TACR1: variants seen among roughly 807,000 people sequenced by gnomAD.
TACR1 encodes tachykinin receptor 1.
In TACR1, 25 loss-of-function variants were observed where a neutral mutation model predicts 35.8. That is an observed-to-expected ratio of 0.70 (90% CI 0.51 to 0.98). The LOEUF (loss-of-function observed/expected upper bound fraction) is 0.98, where lower values mean the gene tolerates loss of function less well. Ranked by LOEUF, TACR1 falls within the 50% of genes least tolerant of loss-of-function variation. The pLI is 0.00. For synonymous variants in TACR1, 195 were observed against 206.7 expected (o/e 0.94, Z 0.48); for missense variants, 478 against 522.9 (o/e 0.91, Z 0.84).
chr2:75,164,278 G>C (rs940831795), intron 1 of TACR1, among the ~76,000 whole-genome samples: 1 of 148,752 alleles, frequency 6.7e-6, no homozygotes, highest in Non-Finnish European at 1.5e-5. Context: ...AGTGAGCTGA[G>C]ATCATGCCAC....
chr2:75,198,793 C>G lies in TACR1; in HGVS notation c.142G>C (p.Val48Leu). The G allele has an allele frequency of 6.2e-7, 1 of 1,614,172 alleles. No individual in the cohort carries two copies. Among genetic ancestry groups the G allele is most frequent in the Admixed American group, 1.7e-5 (1 of 60,022 alleles). ...AYTVIVVTSV[V>L]GNVVVMWIIL... is the part of the protein sequence containing the mutation. ...ATCCACATCACTACCACGTTGCCCA[C>G]CACAGAGGTCACCACAATGACCGTG... The change falls in exon 1 of 5, where the codon GTG (valine) becomes CTG (leucine). Residue 48 changes from valine to leucine, a missense_variant. By Grantham distance (32) the Val-to-Leu change is conservative. Transcript: ENST00000305249.
At chr2:75,055,171 T>G (rs774508306) in intron 2 of TACR1, among the ~76,000 whole-genome samples, 7 of 152,248 alleles carry the variant, frequency 4.6e-5, no homozygotes, top group Admixed American at 1.3e-4. Flanking sequence ...GAAAACCCAC[T>G]TATTCACTCA....
intron 2 of TACR1, among the ~76,000 whole-genome samples, chr2:75,078,293 T>C (rs1673017211): frequency 6.6e-6 from 1 of 152,010 alleles, no homozygotes; most frequent in Non-Finnish European, 1.5e-5. Flanking sequence ...GTTTTTTTTT[T>C]TTAAGTTGCA....
chr2:75,143,537 A>G (rs1476340282), intron 1 of TACR1, among the ~76,000 whole-genome samples: 1 of 152,192 alleles, frequency 6.6e-6, no homozygotes, highest in Non-Finnish European at 1.5e-5. Flanking sequence ...TTCAGCATCT[A>G]TTAGCTAATT....
intron 2 of TACR1, among the ~76,000 whole-genome samples, chr2:75,107,306 A>G (rs542608588): frequency 1.3e-5 from 2 of 152,170 alleles, no homozygotes; most frequent in South Asian, 2.1e-4. Flanking sequence ...CTCTCACTCT[A>G]TGATTGGATA....
chr2:75,106,716 A>G (rs1268462195), intron 2 of TACR1, among the ~76,000 whole-genome samples: 2 of 151,972 alleles, frequency 1.3e-5, no homozygotes, highest in Non-Finnish European at 2.9e-5. Flanking sequence ...GTTAATAGCT[A>G]TGGAAGTAGG....
At chr2:75,178,942 G>C (rs946574362) in intron 1 of TACR1, among the ~76,000 whole-genome samples, 13 of 152,048 alleles carry the variant, frequency 8.5e-5, no homozygotes, top group Admixed American at 2.6e-4. Context: ...TCTTTCTCCT[G>C]GGTGATTGTA....
At chr2:75,193,189 A>G (rs1675891823) in intron 1 of TACR1, among the ~76,000 whole-genome samples, 1 of 151,980 alleles carries the variant, frequency 6.6e-6, no homozygotes, top group Non-Finnish European at 1.5e-5. Context: ...TCTGCATGGC[A>G]TTGATTGCAT....
intron 2 of TACR1, among the ~76,000 whole-genome samples, chr2:75,083,164 A>G (rs1673124409): frequency 6.6e-6 from 1 of 152,210 alleles, no homozygotes; most frequent in Non-Finnish European, 1.5e-5. Flanking sequence ...TTTTCCCAGC[A>G]CCATTTGTTA....
chr2:75,183,972 A>G (rs567005436), intron 1 of TACR1, among the ~76,000 whole-genome samples: 2 of 152,240 alleles, frequency 1.3e-5, no homozygotes, highest in Non-Finnish European at 2.9e-5. Flanking sequence ...CGCTTATTTC[A>G]GCCAACAGAA....
At chr2:75,100,876 C>T (rs765354379) in intron 2 of TACR1, among the ~76,000 whole-genome samples, 9 of 152,126 alleles carry the variant, frequency 5.9e-5, no homozygotes, top group Non-Finnish European at 1.2e-4. Flanking sequence ...TTTTTGGTAA[C>T]ATAAATGTGT....
intron 1 of TACR1, among the ~76,000 whole-genome samples, chr2:75,174,750 A>G (rs1479261176): frequency 1.3e-5 from 2 of 152,164 alleles, no homozygotes; most frequent in Non-Finnish European, 2.9e-5. Context: ...AATCACTTCT[A>G]TTTCCATTTC....
chr2:75,121,677 AC>A (rs775597478), intron 1 of TACR1, among the ~76,000 whole-genome samples: 4 of 152,260 alleles, frequency 2.6e-5, no homozygotes, highest in Non-Finnish European at 4.4e-5. Flanking sequence ...ATTTTAAAAG[AC>A]ATCTCTCTCT....
At chr2:75,070,643 T>A (rs1368050142) in intron 2 of TACR1, among the ~76,000 whole-genome samples, 1 of 152,248 alleles carries the variant, frequency 6.6e-6, no homozygotes, top group Non-Finnish European at 1.5e-5. Context: ...CCTGTGTGTC[T>A]CTGGGTAAAT....
At position 75,110,117 on chromosome 2, in the gene TACR1, T is replaced by C. The variant is rs558248824; in HGVS notation, c.584+10457A>G. Among the ~76,000 whole-genome samples, 4 of 152,186 alleles carry C rather than the reference T, an allele frequency of 2.6e-5. No individual in the cohort carries two copies. In the East Asian group the frequency reaches 5.8e-4, roughly 22 times the overall value. On this transcript the variant is annotated intron_variant, in intron 2 of 4. Coordinates refer to ENST00000305249, the MANE Select transcript of TACR1 (RefSeq NM_001058.4). ...AAGATAAAGAAAAATCTTAAATGTA[T>C]GCAGGCAGAAATCACAAATTATGTA...
chr2:75,063,349 G>A (rs760474392), intron 2 of TACR1, among the ~76,000 whole-genome samples: 9 of 152,178 alleles, frequency 5.9e-5, no homozygotes, highest in Non-Finnish European at 8.8e-5. Context: ...AACTCTTTAT[G>A]GCTTCTATTG....
chr2:75,156,750 T>C (rs1301432285), intron 1 of TACR1, among the ~76,000 whole-genome samples: 1 of 152,216 alleles, frequency 6.6e-6, no homozygotes, highest in Non-Finnish European at 1.5e-5. Flanking sequence ...TTGTGGTAAT[T>C]TGTTATAGCA....
At chr2:75,063,695 A>T (rs1672710198) in intron 2 of TACR1, among the ~76,000 whole-genome samples, 1 of 152,094 alleles carries the variant, frequency 6.6e-6, no homozygotes, top group African/African-American at 2.4e-5. Context: ...AACTTTTATG[A>T]CTTTGTAACA....
chr2:75,082,927 T>G lies in TACR1; in HGVS notation c.585-29172A>C, dbSNP rs1196186666. Among the ~76,000 whole-genome samples the G allele has an allele frequency of 5.3e-5, 8 of 151,628 alleles. No homozygotes were observed. In the East Asian group the frequency reaches 5.8e-4, roughly 11 times the overall value. On this transcript the variant is annotated intron_variant, in intron 2 of 4. Coordinates refer to ENST00000305249, the MANE Select transcript of TACR1 (RefSeq NM_001058.4). Reference sequence around the variant, plus strand: ...TTTGCTGTGCAGAAGCTCTTTAGTTTAATTAGATCCCATTTGTCAATTTTG... The same window carrying G: ...TTTGCTGTGCAGAAGCTCTTTAGTTGAATTAGATCCCATTTGTCAATTTTG...
Sources: gnomAD v4.1 joint callset for allele counts (sites outside exome capture counted in the v4.1 genomes callset) on GRCh38, gnomAD v4.1.1 for gene constraint, MANE v1.5 for transcripts, NCBI Gene and HGNC (gene_info 2026-07-23, HGNC 2026-07-21) for gene names.